CCDC141: variants seen among roughly 807,000 people sequenced by gnomAD.
CCDC141 encodes coiled-coil domain-containing protein 141.
CCDC141 carries 168 observed loss-of-function variants against 181.0 expected under a neutral mutation model. The observed-to-expected ratio is 0.93, with a 90% CI of 0.82 to 1.05. CCDC141 has a LOEUF of 1.05. Ranked by LOEUF, CCDC141 falls within the 50% of genes least tolerant of loss-of-function variation. The pLI is 0.00. For missense variants in CCDC141, 1,902 were observed against 1,788.5 expected (o/e 1.06, Z -1.14); for synonymous variants, 666 against 642.3 (o/e 1.04, Z -0.56).
In CCDC141 at chr2:178,837,580, G is replaced by A. The variant is rs1348572383; in HGVS notation, c.3639C>T (p.Asp1213=). The A allele has an allele frequency of 1.2e-6, 2 of 1,613,974 alleles. No individual in the cohort carries two copies. Among genetic ancestry groups the A allele is most frequent in the Non-Finnish European group, 1.7e-6 (2 of 1,179,924 alleles). Residue 1213 remains aspartate (D), a synonymous_variant, in exon 23 of 24, where the codon GAC becomes GAT. Transcript: ENST00000443758. ...TTCCTGGGAGAGGAGGCAAGGAGAT[G>A]TCATCAGGTGAGACACACTCATATT... The part of the protein sequence containing the change: ...GEEYECVSPD[D]ISLPPLPGSP...
chr2:178,918,888 TCAA>T lies in CCDC141; in HGVS notation c.914_916del (p.Val305del). On this transcript the variant is annotated inframe_deletion, in exon 7 of 24. Transcript: ENST00000443758. Reference sequence around the variant, plus strand: ...TCTCAGTGCCTCACTCTTCAGCTTCTCAACAGCAGAATTCCATTCCTGCAAGAG... The same window carrying T: ...TCTCAGTGCCTCACTCTTCAGCTTCTCAGCAGAATTCCATTCCTGCAAGAG... 6.4e-7 allele frequency: 1 copy of T among 1,550,566 alleles called. No individual in the cohort carries two copies. The highest frequency in any genetic ancestry group is 8.7e-7 in the Non-Finnish European group (1 of 1,146,922).
rs566208959 is a variant in CCDC141, at chr2:178,868,151, G to A, written c.2449C>T (p.Leu817=). 7.1e-5 allele frequency: 115 copies of A among 1,614,024 alleles called. No individual in the cohort carries two copies. The South Asian group carries it at 1.2e-3, about 17-fold the overall frequency. ...ATCTGCACATCATGGGCATCACCCAGTTCCTTCGGCTGCTCTACAAACTCC... is the reference window on the plus strand; with the variant it reads ...ATCTGCACATCATGGGCATCACCCAATTCCTTCGGCTGCTCTACAAACTCC... ...ELEFVEQPKE[L]GDAHDVQIHL... is the part of the protein sequence containing the mutation. The change falls in exon 16 of 24, where the codon CTG becomes TTG. Residue 817 remains leucine (L), a synonymous_variant. Transcript: ENST00000443758.
chr2:179,015,600 C>CATATATGTCAT (rs1559050209), intron 2 of CCDC141, among the ~76,000 whole-genome samples: 1 of 55,430 alleles, frequency 1.8e-5, no homozygotes, highest in Non-Finnish European at 4.9e-5. Context: ...ATATGTATCT[C>CATATATGTCAT]ATATATCTCA....
chr2:178,865,725 G>A (rs1157272073), intron 17 of CCDC141, 42 bp downstream of exon 17: 2 of 1,426,758 alleles, frequency 1.4e-6, no homozygotes, highest in South Asian at 1.7e-5. Context: ...GGTTCAAACA[G>A]CTTTTTGGCA....
intron 2 of CCDC141, among the ~76,000 whole-genome samples, chr2:179,013,919 C>T (rs2042345376): frequency 7.7e-6 from 1 of 129,794 alleles, no homozygotes; most frequent in Non-Finnish European, 1.6e-5. Flanking sequence ...CAAGATCACA[C>T]CACTGCACTC....
chr2:178,925,656 T>C (rs1329388774), intron 6 of CCDC141, among the ~76,000 whole-genome samples: 1 of 152,210 alleles, frequency 6.6e-6, no homozygotes, highest in East Asian at 1.9e-4. Context: ...AGATTTCTTG[T>C]TCCTATTAAT....
At chr2:179,015,642 T>C (rs1269875896) in intron 2 of CCDC141, among the ~76,000 whole-genome samples, 6 of 141,586 alleles carry the variant, frequency 4.2e-5, no homozygotes, top group Non-Finnish European at 6.1e-5. Context: ...ATATATCTCA[T>C]ATATATCTCA....
intron 4 of CCDC141, among the ~76,000 whole-genome samples, chr2:178,963,507 C>A (rs186502521): frequency 7.2e-5 from 11 of 152,042 alleles, no homozygotes; most frequent in African/African-American, 2.4e-4. Flanking sequence ...ATGGACTGAA[C>A]TGGTGCTGAA....
intron 2 of CCDC141, among the ~76,000 whole-genome samples, chr2:179,025,488 C>T (rs1453799103): frequency 6.6e-6 from 1 of 152,166 alleles, no homozygotes; most frequent in East Asian, 1.9e-4. Flanking sequence ...CCATGTAAGA[C>T]ATGACTTGCA....
chr2:178,846,191 A>C (rs988597697), intron 21 of CCDC141, among the ~76,000 whole-genome samples: 1 of 152,192 alleles, frequency 6.6e-6, no homozygotes, highest in Non-Finnish European at 1.5e-5. Flanking sequence ...TGAAAAGAGG[A>C]ATAAAATATC....
chr2:178,863,035 T>C (rs374571091), intron 17 of CCDC141, among the ~76,000 whole-genome samples: 1 of 152,180 alleles, frequency 6.6e-6, no homozygotes, highest in East Asian at 1.9e-4. Flanking sequence ...AAAGAAGATA[T>C]TTAACATCAG....
At chr2:179,005,555 A>G (rs571519182) in intron 2 of CCDC141, among the ~76,000 whole-genome samples, 16 of 152,184 alleles carry the variant, frequency 1.1e-4, no homozygotes, top group Non-Finnish European at 1.8e-4. Context: ...AGTTACAAAT[A>G]ACACTACAAG....
chr2:178,990,343 A>T (rs1457797889), intron 2 of CCDC141, among the ~76,000 whole-genome samples: 1 of 152,024 alleles, frequency 6.6e-6, no homozygotes, highest in Non-Finnish European at 1.5e-5. Flanking sequence ...GCATATATCC[A>T]CAGGAATTAA....
chr2:178,851,942 C>A (rs567376970), intron 20 of CCDC141, among the ~76,000 whole-genome samples: 1 of 152,146 alleles, frequency 6.6e-6, no homozygotes, highest in Non-Finnish European at 1.5e-5. Context: ...TCTTAAAGTG[C>A]CTCCCTTGAT....
At chr2:178,939,950 G>A (rs898119444) in intron 6 of CCDC141, among the ~76,000 whole-genome samples, 2 of 152,142 alleles carry the variant, frequency 1.3e-5, no homozygotes, top group African/African-American at 4.8e-5. Flanking sequence ...AACAACATCT[G>A]TTGACCACAA....
chr2:179,012,140 G>T (rs1325518635), intron 2 of CCDC141, among the ~76,000 whole-genome samples: 1 of 151,984 alleles, frequency 6.6e-6, no homozygotes, highest in Non-Finnish European at 1.5e-5. Context: ...AAATGAAATT[G>T]AAACAAACAA....
intron 2 of CCDC141, among the ~76,000 whole-genome samples, chr2:179,039,744 C>T (rs2043243707): frequency 6.6e-6 from 1 of 152,162 alleles, no homozygotes; most frequent in Non-Finnish European, 1.5e-5. Context: ...TGTCCTCATC[C>T]TTCAAAAGCT....
At chr2:178,923,119 T>C (rs576256744) in intron 6 of CCDC141, among the ~76,000 whole-genome samples, 3 of 151,042 alleles carry the variant, frequency 2.0e-5, no homozygotes, top group Non-Finnish European at 4.4e-5. Flanking sequence ...CTTTTTTTTT[T>C]TTTGAGACGG....
At chr2:178,983,057 A>G (rs1030252312) in intron 2 of CCDC141, among the ~76,000 whole-genome samples, 1 of 152,210 alleles carries the variant, frequency 6.6e-6, no homozygotes, top group African/African-American at 2.4e-5. Context: ...GCAGACTTAA[A>G]TGTCCCTGTC....
Sources: allele counts gnomAD v4.1 joint callset (sites outside exome capture counted in the v4.1 genomes callset), GRCh38; gene constraint gnomAD v4.1.1; transcripts MANE v1.5; gene names NCBI Gene and HGNC (gene_info 2026-07-23, HGNC 2026-07-21).